Variants in SCLT1 observed in about 807,000 individuals in gnomAD.
SCLT1 encodes the protein sodium channel-associated protein 1.
SCLT1 carries 78 observed loss-of-function variants against 112.8 expected under a neutral mutation model. That is an observed-to-expected ratio of 0.69 (90% CI 0.58 to 0.83). The LOEUF (loss-of-function observed/expected upper bound fraction) is 0.83. Ranked by LOEUF, SCLT1 falls within the 40% of genes least tolerant of loss-of-function variation. The probability of loss-of-function intolerance (pLI) is 0.00; values close to 1 mark genes in which losing one functional copy is unlikely to be tolerated. For synonymous variants in SCLT1, 257 were observed against 254.7 expected (o/e 1.01, Z -0.09); for missense variants, 747 against 770.4 (o/e 0.97, Z 0.36).
At chr4:129,060,554 G>A (rs893031216) in intron 2 of SCLT1, among the ~76,000 whole-genome samples, 5 of 152,182 alleles carry the variant, frequency 3.3e-5, no homozygotes, top group Non-Finnish European at 5.9e-5. Context: ...TTACAGATAA[G>A]TGTAATGGAA....
chr4:128,948,545 A>C lies in SCLT1; in HGVS notation c.1244T>G (p.Ile415Ser). ...TTTTTTTTCCTTAATGACTCGTTCA[A>C]TTTGGCCTTGTTTTTCAGCACACTC... ...QMECAEKQGQ[I>S]ERVIKEKKAV... The change falls in exon 15 of 21, where the codon ATT becomes AGT. Residue 415 changes from isoleucine (I) to serine (S), a missense_variant. Ile to Ser is a moderately radical substitution (Grantham distance 142, BLOSUM62 -2). Transcript: ENST00000281142. The C allele has an allele frequency of 1.2e-6, 2 of 1,608,194 alleles. No homozygotes were observed. Among genetic ancestry groups the C allele is most frequent in the Non-Finnish European group, 1.7e-6 (2 of 1,175,940 alleles).
intron 1 of SCLT1, among the ~76,000 whole-genome samples, chr4:129,086,714 T>C (rs188189949): frequency 6.6e-6 from 1 of 152,136 alleles, no homozygotes; most frequent in African/African-American, 2.4e-5. Context: ...GAAGGACTAA[T>C]GGGCAATGGT....
chr4:128,996,399 A>G (rs1412080934), intron 8 of SCLT1, among the ~76,000 whole-genome samples: 1 of 152,124 alleles, frequency 6.6e-6, no homozygotes, highest in Non-Finnish European at 1.5e-5. Flanking sequence ...TACATCTATA[A>G]AAATCTATTC....
intron 15 of SCLT1, among the ~76,000 whole-genome samples, chr4:128,946,682 C>A (rs1738196680): frequency 6.6e-6 from 1 of 152,172 alleles, no homozygotes; most frequent in Non-Finnish European, 1.5e-5. Context: ...TTAGAGATAA[C>A]CACTGGTGAT....
intron 11 of SCLT1, 88 bp from the exon 12 acceptor site, chr4:128,959,865 T>G: frequency 3.5e-5 from 33 of 945,892 alleles, no homozygotes; most frequent in African/African-American, 8.2e-5. Flanking sequence ...GGACAGGTAT[T>G]ATGCCAGTAA....
chr4:128,976,554 CT>C (rs1289720157), intron 9 of SCLT1, among the ~76,000 whole-genome samples: 2 of 152,138 alleles, frequency 1.3e-5, no homozygotes, highest in Non-Finnish European at 2.9e-5. Flanking sequence ...AAGGATTTTT[CT>C]CCTTCATAGA....
At chr4:129,028,081 T>C (rs1429904148) in intron 5 of SCLT1, among the ~76,000 whole-genome samples, 1 of 152,102 alleles carries the variant, frequency 6.6e-6, no homozygotes, top group Non-Finnish European at 1.5e-5. Flanking sequence ...GAATCAATAT[T>C]GTGAAAATGG....
At chr4:128,982,046 G>C (rs535861821) in intron 9 of SCLT1, among the ~76,000 whole-genome samples, 6 of 152,172 alleles carry the variant, frequency 3.9e-5, no homozygotes, top group Non-Finnish European at 7.3e-5. Context: ...AGATCAGAGA[G>C]ACATTTATAA....
At chr4:128,878,249 C>T (rs988599612) in intron 3 of SCLT1, among the ~76,000 whole-genome samples, 1 of 152,088 alleles carries the variant, frequency 6.6e-6, no homozygotes, top group African/African-American at 2.4e-5. Context: ...CCTAATGTAT[C>T]GCCAATGTGT....
chr4:128,954,257 TTAATA>T (rs2126006121), intron 13 of SCLT1, among the ~76,000 whole-genome samples: 1 of 152,224 alleles, frequency 6.6e-6, no homozygotes, highest in Non-Finnish European at 1.5e-5. Flanking sequence ...ATATGGTTAA[TTAATA>T]TGAGTGTTAT....
intron 13 of SCLT1, among the ~76,000 whole-genome samples, chr4:128,953,877 C>A (rs1162470416): frequency 6.6e-6 from 1 of 150,648 alleles, no homozygotes; most frequent in Non-Finnish European, 1.5e-5. Flanking sequence ...TTAAATAATA[C>A]ACACCACATC....
intron 2 of SCLT1, among the ~76,000 whole-genome samples, chr4:129,050,460 T>C (rs1220324715): frequency 6.6e-6 from 1 of 152,222 alleles, no homozygotes; most frequent in Admixed American, 6.5e-5. Context: ...CTCATTTGGT[T>C]CTGATTTGCA....
At chr4:128,899,597 C>G (rs1734094768) in intron 18 of SCLT1, among the ~76,000 whole-genome samples, 1 of 152,160 alleles carries the variant, frequency 6.6e-6, no homozygotes, top group South Asian at 2.1e-4. Flanking sequence ...TGGAAGCATT[C>G]CCTTTGAAAA....
chr4:129,056,496 A>G (rs1380413739), intron 2 of SCLT1, among the ~76,000 whole-genome samples: 1 of 152,048 alleles, frequency 6.6e-6, no homozygotes, highest in African/African-American at 2.4e-5. Context: ...TTCTATTTGG[A>G]TCATTTTCAA....
At chr4:129,087,975 T>C (rs150653474) in intron 1 of SCLT1, among the ~76,000 whole-genome samples, 2,172 of 151,488 alleles carry the variant, frequency 0.014, 44 homozygotes, top group African/African-American at 0.044. Context: ...TAGTCCCAGC[T>C]TCTCAGGAGG....
chr4:129,024,118 GACAA>G (rs1200915846), intron 5 of SCLT1, among the ~76,000 whole-genome samples: 10 of 152,196 alleles, frequency 6.6e-5, no homozygotes, highest in Admixed American at 6.5e-5. Flanking sequence ...GCAGGGCACA[GACAA>G]ACAAAAAGAC....
chr4:128,939,554 C>T (rs13149221), intron 17 of SCLT1, among the ~76,000 whole-genome samples: 28,257 of 151,974 alleles, frequency 0.19, 2,853 homozygotes, highest in Middle Eastern at 0.29. Flanking sequence ...TTGCTTCTTC[C>T]TTCCTTTACA....
rs942891300 is a variant in SCLT1, at chr4:129,001,336, T to TG, written c.427-1543dup. 1.5e-4 allele frequency among the ~76,000 whole-genome samples: 20 copies of TG among 132,582 alleles called. No individual in the cohort carries two copies. The East Asian group carries it at 3.5e-3, about 23-fold the overall frequency. The allele number at this position is 132,582 out of a possible 152,430, so 87.0% of individuals were successfully genotyped here. A position where few individuals can be genotyped will look rare whatever the true frequency, so the allele number is the denominator to read the frequency against. ...CTTCTTGAATCAGAAACTGGGGTGG[T>TG]GGGGGGGTGGGGAGGCACAGCAGAA... On this transcript the variant is annotated intron_variant, in intron 6 of 20. Coordinates refer to ENST00000281142, the MANE Select transcript of SCLT1 (RefSeq NM_144643.4).
intron 5 of SCLT1, among the ~76,000 whole-genome samples, chr4:129,032,271 A>G (rs1395166000): frequency 6.6e-6 from 1 of 152,142 alleles, no homozygotes; most frequent in Non-Finnish European, 1.5e-5. Flanking sequence ...GGTGCCAGGA[A>G]AACTGGCTAG....
Sources: allele counts gnomAD v4.1 joint callset (sites outside exome capture counted in the v4.1 genomes callset), GRCh38; gene constraint gnomAD v4.1.1; transcripts MANE v1.5; gene names NCBI Gene and HGNC (gene_info 2026-07-23, HGNC 2026-07-21).